Variants in PGK1 observed in about 807,000 individuals in gnomAD.
The protein encoded by PGK1 is PRP 2.
PGK1 carries 3 observed loss-of-function variants against 26.9 expected under a neutral mutation model. That is an observed-to-expected ratio of 0.11 (90% CI 0.05 to 0.29). The LOEUF is 0.29. Among genes scored for constraint, PGK1 ranks in the 10% least tolerant of loss-of-function variants. The pLI, the probability that PGK1 is intolerant of heterozygous loss-of-function variation, is 1.00. For synonymous variants in PGK1, 125 were observed against 115.3 expected, an observed-to-expected ratio of 1.08 and a Z score of -0.54; for missense variants, 270 against 314.7, an observed-to-expected ratio of 0.86 and a Z score of 1.07.
chrX:78,126,274 T>A lies in PGK1; in HGVS notation c.*444T>A, dbSNP rs896148426. 9.5e-6 allele frequency: 1 copy of A among 105,730 alleles called. No individual in the cohort carries two copies. The highest frequency in any genetic ancestry group is 1.9e-5 in the Non-Finnish European group (1 of 52,523). The allele number at this position is 105,730 out of a possible 1,213,427, so 8.7% of individuals were successfully genotyped here. A position where few individuals can be genotyped will look rare whatever the true frequency, so the allele number is the denominator to read the frequency against. ...ATAAAAGTGTCCATTGAAACCGTGA[T>A]TTTTTTTTTTTTCCTGTCATACTTT... On this transcript the variant is annotated 3_prime_UTR_variant, in exon 11 of 11. Transcript: ENST00000373316.
At chrX:78,121,909 A>T (rs2078357208) in intron 6 of PGK1, among the ~76,000 whole-genome samples, 1 of 112,191 alleles carries the variant, frequency 8.9e-6, no homozygotes, top group African/African-American at 3.2e-5. Flanking sequence ...GCCATAAAGA[A>T]AATGTCCCAG....
chrX:78,123,011 A>G (rs1371922242), intron 7 of PGK1, 62 bp downstream of exon 7: 4 of 781,119 alleles, frequency 5.1e-6, no homozygotes, highest in Middle Eastern at 2.9e-4. Context: ...GGTTGTATAA[A>G]TGTAAAAAGA....
In PGK1 at chrX:78,104,305, G is replaced by T. The variant is rs782601783; in HGVS notation, c.-36G>T. 3.8e-5 allele frequency: 41 copies of T among 1,092,663 alleles called. No individual in the cohort carries two copies. Among genetic ancestry groups the T allele is most frequent in the Non-Finnish European group, 4.9e-5 (39 of 788,334 alleles). The allele number at this position is 1,092,663 out of a possible 1,213,427, so 90.0% of individuals were successfully genotyped here. ...TCGGCAGTCGGCTCCCTCGTTGACC[G>T]AATCACCGACCTCTCTCCCCAGCTG... On this transcript the variant is annotated 5_prime_UTR_variant, in exon 1 of 11. Coordinates refer to ENST00000373316, the MANE Select transcript of PGK1 (RefSeq NM_000291.4).
chrX:78,113,842 T>A lies in PGK1; in HGVS notation c.215T>A (p.Met72Lys). 8.3e-7 allele frequency: 1 copy of A among 1,211,272 alleles called. No individual in the cohort carries two copies. Among genetic ancestry groups the A allele is most frequent in the African/African-American group, 1.7e-5 (1 of 57,843 alleles). Reference sequence around the variant, plus strand: ...CTAGGCCGGCCTGATGGTGTGCCCATGCCTGACAAGTACTCCTTAGAGCCA... The same window carrying A: ...CTAGGCCGGCCTGATGGTGTGCCCAAGCCTGACAAGTACTCCTTAGAGCCA... Reference protein sequence around the residue: ...SHLGRPDGVPMPDKYSLEPVA... With the variant: ...SHLGRPDGVPKPDKYSLEPVA... The change falls in exon 3 of 11, where the codon ATG becomes AAG. Residue 72 changes from methionine to lysine, a missense_variant. By Grantham distance (95) the Met-to-Lys change is moderately conservative. This residue lies in a region of PGK1 where 150 missense variants were observed against 154.6 expected (regional missense o/e 0.97). Coordinates refer to ENST00000373316, the MANE Select transcript of PGK1 (RefSeq NM_000291.4).
intron 6 of PGK1, among the ~76,000 whole-genome samples, chrX:78,120,846 G>A: frequency 8.9e-6 from 1 of 111,950 alleles, no homozygotes; most frequent in East Asian, 2.8e-4. Flanking sequence ...CACTTACATA[G>A]GTTGAGTATC....
intron 8 of PGK1, among the ~76,000 whole-genome samples, chrX:78,124,501 C>G (rs782401206): frequency 6.3e-5 from 7 of 110,653 alleles, no homozygotes; most frequent in Non-Finnish European, 1.1e-4. Flanking sequence ...TTTAAAGCAT[C>G]CTTGGCCACT....
chrX:78,113,637 C>G (rs1483029178), intron 2 of PGK1, 107 bp from the exon 3 acceptor site: 1 of 727,977 alleles, frequency 1.4e-6, no homozygotes, highest in Non-Finnish European at 2.1e-6. Context: ...TTTGAAGGAA[C>G]TTGGAGAAGA....
chrX:78,116,695 T>C (rs1424741975), intron 4 of PGK1, among the ~76,000 whole-genome samples: 1 of 112,883 alleles, frequency 8.9e-6, no homozygotes, highest in African/African-American at 3.2e-5. Context: ...GTTTAACTTC[T>C]ACATTTTCTT....
intron 6 of PGK1, among the ~76,000 whole-genome samples, chrX:78,120,407 T>A (rs1305501800): frequency 9.1e-6 from 1 of 110,171 alleles, no homozygotes; most frequent in Non-Finnish European, 1.9e-5. Context: ...GTGAAATAAA[T>A]ATGTGTATAT....
intron 6 of PGK1, among the ~76,000 whole-genome samples, chrX:78,121,525 G>A (rs1232348470): frequency 2.1e-4 from 24 of 111,816 alleles, no homozygotes; most frequent in African/African-American, 7.8e-4. Flanking sequence ...CATCACTGTT[G>A]TTTCATACCT....
rs782261436 is a variant in PGK1, at chrX:78,109,083, AACAT to A, written c.66-782_66-779del. Reference sequence around the variant, plus strand: ...AGAATAATTGGTTCTTAAGAATGATAACATAGTAATCTGTTGGGTAAGAGATACT... The same window carrying A: ...AGAATAATTGGTTCTTAAGAATGATAAGTAATCTGTTGGGTAAGAGATACT... On this transcript the variant is annotated intron_variant, in intron 1 of 10. Coordinates refer to ENST00000373316, the MANE Select transcript of PGK1 (RefSeq NM_000291.4). Among the ~76,000 whole-genome samples the A allele has an allele frequency of 2.7e-3, 307 of 112,036 alleles. 5 individuals carry two copies. Among genetic ancestry groups the A allele is most frequent in the Non-Finnish European group, 3.3e-3 (175 of 53,198 alleles).
At position 78,104,338 on chromosome X, in the gene PGK1, A is replaced by G; in HGVS notation, c.-3A>G. On this transcript the variant is annotated 5_prime_UTR_variant, in exon 1 of 11. Coordinates refer to ENST00000373316, the MANE Select transcript of PGK1 (RefSeq NM_000291.4). ...GACCTCTCTCCCCAGCTGTATTTCC[A>G]AAATGTCGCTTTCTAACAAGCTGAC... 4.2e-6 allele frequency: 5 copies of G among 1,200,771 alleles called. No individual in the cohort carries two copies. The highest frequency in any genetic ancestry group is 5.6e-6 in the Non-Finnish European group (5 of 885,461).
At chrX:78,122,704 A>T in intron 6 of PGK1, 131 bp from the exon 7 acceptor site, 1 of 490,374 alleles carries the variant, frequency 2.0e-6, no homozygotes, top group Non-Finnish European at 3.6e-6. Context: ...CATAGGGCAA[A>T]GTTAGGCAGT....
At position 78,118,226 on chromosome X, in the gene PGK1, A is replaced by G; in HGVS notation, c.641+56A>G. The G allele has an allele frequency of 4.3e-6, 5 of 1,155,414 alleles. No homozygotes were observed. The South Asian group carries it at 9.0e-5, about 21-fold the overall frequency. On this transcript the variant is annotated intron_variant, in intron 6 of 10. Coordinates refer to ENST00000373316, the MANE Select transcript of PGK1 (RefSeq NM_000291.4). Reference sequence around the variant, plus strand: ...AGTATTGTTTGCCTGGTAGTAGGCCATAACTTGGGTGGTTTATTGTCATAT... The same window carrying G: ...AGTATTGTTTGCCTGGTAGTAGGCCGTAACTTGGGTGGTTTATTGTCATAT...
chrX:78,125,499 G>A, intron 10 of PGK1, 74 bp downstream of exon 10: 1 of 704,598 alleles, frequency 1.4e-6, no homozygotes, highest in Admixed American at 2.4e-5. Flanking sequence ...AGAATGGAGT[G>A]GAGAAAGTTA....
At position 78,116,894 on chromosome X, in the gene PGK1, A is replaced by G. The variant is rs144190693; in HGVS notation, c.418-418A>G. On this transcript the variant is annotated intron_variant, in intron 4 of 10. Transcript: ENST00000373316. ...AGGAATATGTGTGAGAGCCCCTTGC[A>G]CTTCGCAGAAAGGCCTTGGTAGCCA... Among the ~76,000 whole-genome samples the G allele has an allele frequency of 1.6e-3, 182 of 111,551 alleles. 1 individual carries two copies. The highest frequency in any genetic ancestry group is 5.7e-3 in the African/African-American group (174 of 30,725).
intron 2 of PGK1, among the ~76,000 whole-genome samples, chrX:78,111,671 T>C (rs1557246896): frequency 8.9e-6 from 1 of 112,048 alleles, no homozygotes; most frequent in Non-Finnish European, 1.9e-5. Flanking sequence ...GGTCCTAGAA[T>C]AGAGCCTGTC....
chrX:78,124,489 T>G (rs2078372548), intron 8 of PGK1, among the ~76,000 whole-genome samples: 1 of 110,787 alleles, frequency 9.0e-6, no homozygotes, highest in Non-Finnish European at 1.9e-5. Flanking sequence ...ATTGTAAGGT[T>G]GTTTAAAGCA....
intron 1 of PGK1, among the ~76,000 whole-genome samples, chrX:78,108,520 A>G (rs1557246503): frequency 1.8e-5 from 2 of 111,926 alleles, no homozygotes; most frequent in Non-Finnish European, 3.8e-5. Flanking sequence ...CTATAGAATT[A>G]TTTTTCCTCA....
Sources: gnomAD v4.1 joint callset for allele counts (sites outside exome capture counted in the v4.1 genomes callset) on GRCh38, gnomAD v4.1.1 for gene constraint, gnomAD v4.1.1 regional missense constraint, MANE v1.5 for transcripts, NCBI Gene and HGNC (gene_info 2026-07-23, HGNC 2026-07-21) for gene names.